The following BIRC6 variants were observed in gnomAD, a reference collection of about 807,000 sequenced individuals.
The protein encoded by BIRC6 is dual E2 ubiquitin-conjugating enzyme/E3 ubiquitin-protein ligase BIRC6.
In BIRC6, 98 loss-of-function variants were observed where a neutral mutation model predicts 503.3. The ratio of observed to expected loss-of-function variants is 0.19; its 90% confidence interval spans 0.17 to 0.23. The LOEUF (loss-of-function observed/expected upper bound fraction) is 0.23, where lower values mean the gene tolerates loss of function less well. BIRC6 is among the 10% of genes least tolerant of loss of function. The pLI, the probability that BIRC6 is intolerant of heterozygous loss-of-function variation, is 1.00. For synonymous variants in BIRC6, 2,240 were observed against 2,078.7 expected, an observed-to-expected ratio of 1.08 and a Z score of -2.11; for missense variants, 5,360 against 5,806.0, an observed-to-expected ratio of 0.92 and a Z score of 2.50.
chr2:32,556,531 T>C (rs558016596), intron 65 of BIRC6, among the ~76,000 whole-genome samples: 2 of 152,354 alleles, frequency 1.3e-5, no homozygotes, highest in South Asian at 4.1e-4. Flanking sequence ...CCATTTCTTC[T>C]ATGAAACATC....
intron 61 of BIRC6, among the ~76,000 whole-genome samples, chr2:32,534,074 G>C (rs1184537740): frequency 6.6e-6 from 1 of 152,054 alleles, no homozygotes; most frequent in Non-Finnish European, 1.5e-5. Flanking sequence ...GACACTGTCT[G>C]GGCATGGTGT....
chr2:32,503,348 T>A, intron 49 of BIRC6, 112 bp downstream of exon 49: 2 of 852,582 alleles, frequency 2.3e-6, no homozygotes, highest in Non-Finnish European at 3.6e-6. Context: ...CTATTTTAAT[T>A]ACAAACAGTT....
At chr2:32,597,488 C>T (rs1362225184) in intron 68 of BIRC6, among the ~76,000 whole-genome samples, 3 of 152,172 alleles carry the variant, frequency 2.0e-5, no homozygotes, top group African/African-American at 7.2e-5. Flanking sequence ...CCATTTCTTG[C>T]ATCTGTTAGA....
chr2:32,566,892 T>C (rs2059571616), intron 65 of BIRC6, among the ~76,000 whole-genome samples: 1 of 152,232 alleles, frequency 6.6e-6, no homozygotes, highest in South Asian at 2.1e-4. Flanking sequence ...AGTATTCTAA[T>C]AGTATTTCTG....
Position 32,445,603 on chromosome 2 carries a change from G to C in BIRC6, c.4419G>C (p.Leu1473Phe), listed in dbSNP as rs769001174. The change falls in exon 21 of 74, where the codon TTG (leucine) becomes TTC (phenylalanine). Residue 1473 changes from leucine (L) to phenylalanine (F), a missense_variant. Transcript: ENST00000421745. ...GATGCAGTACAGCTTGTGCATCTTT[G>C]CTTACTGCAGTGTCCAGACAGTTAC... ...LAGCSTACAS[L>F]LTAVSRQLQD... The C allele has an allele frequency of 1.2e-6, 2 of 1,606,668 alleles. No individual in the cohort carries two copies. Among genetic ancestry groups the C allele is most frequent in the South Asian group, 2.2e-5 (2 of 89,498 alleles).
intron 66 of BIRC6, among the ~76,000 whole-genome samples, chr2:32,577,211 T>C (rs2060327261): frequency 6.6e-6 from 1 of 152,154 alleles, no homozygotes; most frequent in Non-Finnish European, 1.5e-5. Context: ...AGAATAAACA[T>C]AGTTTTCAGT....
At chr2:32,510,702 G>A in intron 53 of BIRC6, 68 bp downstream of exon 53, 6 of 1,122,732 alleles carry the variant, frequency 5.3e-6, no homozygotes, top group Non-Finnish European at 6.7e-6. Flanking sequence ...AAATGTTTCT[G>A]ACAGTTTTTC....
chr2:32,500,042 A>T lies in BIRC6; in HGVS notation c.8964A>T (p.Gln2988His). 6.2e-7 allele frequency: 1 copy of T among 1,614,004 alleles called. No individual in the cohort carries two copies. Among genetic ancestry groups the T allele is most frequent in the Non-Finnish European group, 8.5e-7 (1 of 1,179,888 alleles). Residue 2988 changes from glutamine (Q) to histidine (H), a missense_variant, in exon 46 of 74, where the codon CAA becomes CAT. By Grantham distance (24) the Gln-to-His change is conservative. Transcript: ENST00000421745. ...AYVADLVLAN[Q>H]QIMSQILSAL... ...TTGCTGACTTAGTCTTAGCCAACCA[A>T]CAAATTATGAGCCAGATTTTGTCTG...
rs1366271402 is a variant in BIRC6 at position 32,575,748 on chromosome 2, GA to G, written c.13355+383del. Among the ~76,000 whole-genome samples, 3 of 151,472 alleles carry G rather than the reference GA, an allele frequency of 2.0e-5. No homozygotes were observed. In the East Asian group the frequency reaches 5.8e-4, roughly 29 times the overall value. ...CCACTGCACTCCAGCCTGGGTGACA[GA>G]GCGAGACTCCGTCTCAAAAAAAAAA... On this transcript the variant is annotated intron_variant, in intron 66 of 73. Transcript: ENST00000421745.
rs1238890713 is a variant in BIRC6, at chr2:32,552,924, C to T, written c.13144+3443C>T. On this transcript the variant is annotated intron_variant, in intron 65 of 73. Coordinates refer to ENST00000421745, the MANE Select transcript of BIRC6 (RefSeq NM_016252.4). ...TATGTACTTATATGCTTATATTAAG[C>T]TGTGTTTTCCTGAAAACAATCCATA... is the stretch of plus-strand genomic sequence containing the variant. 4.7e-5 allele frequency among the ~76,000 whole-genome samples: 7 copies of T among 149,680 alleles called. No individual in the cohort carries two copies. The East Asian group carries it at 7.8e-4, about 17-fold the overall frequency.
chr2:32,377,957 T>C (rs2037059656), intron 2 of BIRC6, among the ~76,000 whole-genome samples, 188 bp downstream of exon 2: 1 of 152,196 alleles, frequency 6.6e-6, no homozygotes, highest in African/African-American at 2.4e-5. Context: ...TAATTCTTGT[T>C]GAAGTGGTGT....
intron 71 of BIRC6, among the ~76,000 whole-genome samples, chr2:32,603,588 T>G (rs563352364): frequency 7.9e-5 from 12 of 152,098 alleles, no homozygotes; most frequent in African/African-American, 2.9e-4. Context: ...GACGAGGTGG[T>G]GCGTGCCTAT....
intron 9 of BIRC6, 107 bp from the exon 10 acceptor site, chr2:32,414,662 G>C: frequency 3.4e-6 from 3 of 886,286 alleles, no homozygotes; most frequent in Non-Finnish European, 4.7e-6. Context: ...GCAAGAATTT[G>C]TCTCAAAAAT....
chr2:32,541,539 C>T (rs777781834), intron 61 of BIRC6, among the ~76,000 whole-genome samples: 3 of 152,022 alleles, frequency 2.0e-5, no homozygotes, highest in Non-Finnish European at 4.4e-5. Flanking sequence ...ACAGAGTTAC[C>T]TATCAGTCTA....
intron 65 of BIRC6, among the ~76,000 whole-genome samples, chr2:32,561,825 C>G (rs1167154562): frequency 6.7e-6 from 1 of 150,242 alleles, no homozygotes; most frequent in Non-Finnish European, 1.5e-5. Context: ...GGGCGGATCA[C>G]GAGGTCAGGA....
chr2:32,436,791 T>C (rs1169974438), intron 15 of BIRC6, among the ~76,000 whole-genome samples: 1 of 152,030 alleles, frequency 6.6e-6, no homozygotes, highest in Admixed American at 6.6e-5. Context: ...CTGGAACTCC[T>C]GACCTCAAAT....
chr2:32,505,632 A>G (rs753189064), intron 50 of BIRC6, among the ~76,000 whole-genome samples: 1 of 152,278 alleles, frequency 6.6e-6, no homozygotes, highest in South Asian at 2.1e-4. Context: ...ACCTTTTTGA[A>G]TAATATTATA....
At chr2:32,461,068 T>TTCTCTTCTCTTCTTC (rs2047890874) in intron 23 of BIRC6, among the ~76,000 whole-genome samples, 1 of 26,838 alleles carries the variant, frequency 3.7e-5, no homozygotes, top group African/African-American at 1.1e-4. Flanking sequence ...TTCTCTTCTG[T>TTCTCTTCTCTTCTTC]TCTCCTCTCC....
intron 64 of BIRC6, among the ~76,000 whole-genome samples, chr2:32,548,365 C>CTT (rs1202755440): frequency 0.014 from 1,031 of 73,324 alleles, 14 homozygotes; most frequent in African/African-American, 0.024. Flanking sequence ...TGGTTGCTTA[C>CTT]TTTTTTTTTT....
Sources: allele counts gnomAD v4.1 joint callset (sites outside exome capture counted in the v4.1 genomes callset), GRCh38; gene constraint gnomAD v4.1.1; transcripts MANE v1.5; gene names NCBI Gene and HGNC (gene_info 2026-07-23, HGNC 2026-07-21).